Variants in COL7A1 observed in about 807,000 individuals in gnomAD.
COL7A1 encodes collagen type VII alpha 1 chain, also known as collagen alpha-1(VII) chain.
A neutral mutation model predicts 456.2 loss-of-function variants in COL7A1; 296 were observed. That is an observed-to-expected ratio of 0.65 (90% CI 0.59 to 0.71). The LOEUF is 0.71. Ranked by LOEUF, COL7A1 falls within the 30% of genes least tolerant of loss-of-function variation. The pLI, the probability that COL7A1 is intolerant of heterozygous loss-of-function variation, is 0.00. For synonymous variants in COL7A1, 1,464 were observed against 1,525.9 expected (o/e 0.96, Z 0.95); for missense variants, 3,441 against 4,017.2 (o/e 0.86, Z 3.88).
In COL7A1 at chr3:48,592,889, G is replaced by T. The variant is rs374009584; in HGVS notation, c.732C>A (p.Ser244Arg). The T allele has an allele frequency of 3.1e-6, 5 of 1,613,906 alleles. No homozygotes were observed. The highest frequency in any genetic ancestry group is 4.2e-6 in the Non-Finnish European group (5 of 1,180,032). ...TCCACTGTACTCTCAAGGATTGGCT[G>T]CTTGGCTCAGACAGCACCAGGTCTC... ...APRDLVLSEP[S>R]SQSLRVQWTA... The change falls in exon 7 of 119, where the codon AGC (serine) becomes AGA (arginine). Residue 244 changes from serine (S) to arginine (R), a missense_variant. Coordinates refer to ENST00000681320, the MANE Select transcript of COL7A1 (RefSeq NM_000094.4). This position sits in a 1 kb window ranked among gnomAD's most constrained non-coding sequence, Gnocchi z 7.6.
Position 48,581,286 on chromosome 3 carries a change from C to A in COL7A1, c.4873G>T (p.Gly1625Ter). 6.2e-7 allele frequency: 1 copy of A among 1,613,558 alleles called. No homozygotes were observed. The highest frequency in any genetic ancestry group is 1.3e-5 in the African/African-American group (1 of 75,038). Residue 1625 changes from glycine to a stop codon, truncating the protein, a stop_gained, in exon 52 of 119, where the codon GGA becomes TGA. Coordinates refer to ENST00000681320, the MANE Select transcript of COL7A1 (RefSeq NM_000094.4). LOFTEE classifies it high-confidence loss of function. This position sits in a 1 kb window ranked among gnomAD's most constrained non-coding sequence, Gnocchi z 5.8. ...KGDPGRPGPPGPVGPRGRDGE... is the reference protein window; with the variant it reads ...KGDPGRPGPP ...TCTCGTCCTCGGGGGCCAACAGGTCCTGGGGGGCCAGGCCGCCCAGGGTCT... is the reference window on the plus strand; with the variant it reads ...TCTCGTCCTCGGGGGCCAACAGGTCATGGGGGGCCAGGCCGCCCAGGGTCT...
rs1162646315 is a variant in COL7A1, at chr3:48,582,376, G to A, written c.4600-18C>T. On this transcript the variant is annotated intron_variant, in intron 46 of 118. Transcript: ENST00000681320. ...GGCTCCCCCTGTGGAGAGAGGATAG[G>A]AGCAGGGACAGGTCAGGGAGTCACC... 6.2e-7 allele frequency: 1 copy of A among 1,613,934 alleles called. No individual in the cohort carries two copies. Among genetic ancestry groups the A allele is most frequent in the Non-Finnish European group, 8.5e-7 (1 of 1,180,018 alleles).
Position 48,578,419 on chromosome 3 carries a change from G to A in COL7A1, c.5487+34C>T. On this transcript the variant is annotated intron_variant, in intron 64 of 118. Coordinates refer to ENST00000681320, the MANE Select transcript of COL7A1 (RefSeq NM_000094.4). The surrounding 1 kb of genome is among the most constrained non-coding windows in gnomAD (Gnocchi z 4.7). ...CGGGGATCGGGTGAGGGTAGTAAGG[G>A]GGAAAAGGGGGTAACATGAAAGTCT... 2 of 1,613,528 alleles carry A rather than the reference G, an allele frequency of 1.2e-6. No homozygotes were observed. Among genetic ancestry groups the A allele is most frequent in the Middle Eastern group, 3.6e-4 (2 of 5,610 alleles).
intron 45 of COL7A1, 47 bp downstream of exon 45, chr3:48,582,562 G>A (rs1313908392): frequency 1.2e-6 from 2 of 1,613,664 alleles, no homozygotes; most frequent in Non-Finnish European, 1.7e-6. Context: ...AAAGGGGAGG[G>A]ACACACAAAA....
In COL7A1 at chr3:48,585,989, G is replaced by A. The variant is rs1333529439; in HGVS notation, c.3724-14C>T. The A allele has an allele frequency of 3.7e-6, 6 of 1,613,860 alleles. No homozygotes were observed. Among genetic ancestry groups the A allele is most frequent in the Non-Finnish European group, 1.7e-6 (2 of 1,180,030 alleles). On this transcript the variant is annotated splice_polypyrimidine_tract_variant and intron_variant, in intron 28 of 118. Coordinates refer to ENST00000681320, the MANE Select transcript of COL7A1 (RefSeq NM_000094.4). This position sits in a 1 kb window ranked among gnomAD's most constrained non-coding sequence, Gnocchi z 4.5. ...CTCTGGCCGGGGCTGCGGACATAGG[G>A]TCTCTTTGAGGTTGAACATTTCTAC...
rs1469611751 is a variant in COL7A1, at chr3:48,571,440, T to C, written c.7069-162A>G. 1 of 843,810 alleles carries C rather than the reference T, an allele frequency of 1.2e-6. No individual in the cohort carries two copies. The highest frequency in any genetic ancestry group is 2.0e-6 in the Non-Finnish European group (1 of 501,452). 52.3% of individuals were successfully genotyped at this position (843,810 alleles called of 1,614,324 possible). On this transcript the variant is annotated intron_variant, in intron 92 of 118. Coordinates refer to ENST00000681320, the MANE Select transcript of COL7A1 (RefSeq NM_000094.4). This position sits in a 1 kb window ranked among gnomAD's most constrained non-coding sequence, Gnocchi z 4.6. ...GCTCACAGGAGCTCAGACATGACCATGGCCTATCTCAGGACAGCACAGACA... is the reference window on the plus strand; with the variant it reads ...GCTCACAGGAGCTCAGACATGACCACGGCCTATCTCAGGACAGCACAGACA...
rs1348424664 is a variant in COL7A1 at position 48,591,970 on chromosome 3, T to C, written c.1285A>G (p.Thr429Ala). The change falls in exon 11 of 119, where the codon ACA becomes GCA. Residue 429 changes from threonine (T) to alanine (A), a missense_variant. By Grantham distance (58) the Thr-to-Ala change is moderately conservative. Coordinates refer to ENST00000681320, the MANE Select transcript of COL7A1 (RefSeq NM_000094.4). The surrounding 1 kb of genome is among the most constrained non-coding windows in gnomAD (Gnocchi z 7.0). ...QTLRPVILGP[T>A]SILLSWNLVP... ...AAGTTCCAGGAAAGGAGGATGGATG[T>C]GGGGCCCAGGATGACCGGGCGCAGG... is the stretch of plus-strand genomic sequence containing the variant. 6.2e-7 allele frequency: 1 copy of C among 1,614,170 alleles called. No homozygotes were observed. The highest frequency in any genetic ancestry group is 8.5e-7 in the Non-Finnish European group (1 of 1,180,022).
chr3:48,584,902 C>T lies in COL7A1; in HGVS notation c.4011+8G>A, dbSNP rs1377285295. ...CACTTAGAGAGCAAAGAAGGGAAGG[C>T]ACCTTACCGGGTCCCCACGAGGGCC... On this transcript the variant is annotated splice_region_variant and intron_variant, in intron 34 of 118. Coordinates refer to ENST00000681320, the MANE Select transcript of COL7A1 (RefSeq NM_000094.4). 1 of 1,614,030 alleles carries T rather than the reference C, an allele frequency of 6.2e-7. No homozygotes were observed. The highest frequency in any genetic ancestry group is 1.1e-5 in the South Asian group (1 of 91,086).
chr3:48,595,150 G>A lies in COL7A1; in HGVS notation c.10C>T (p.Arg4Trp), dbSNP rs938425936. Residue 4 changes from arginine to tryptophan, a missense_variant, in exon 2 of 119, where the codon CGG (arginine) becomes TGG (tryptophan). This residue lies in a region of COL7A1 where 913 missense variants were observed against 1,088.2 expected (regional missense o/e 0.84). Coordinates refer to ENST00000681320, the MANE Select transcript of COL7A1 (RefSeq NM_000094.4). MTL[R>W]LLVAALCAGI... The stretch of plus-strand genomic sequence containing the variant: ...GCGCAGAGCGCGGCCACCAGAAGCC[G>A]CAGCGTCATCCTAGGCAGTAAAAGC... 3.9e-6 allele frequency: 6 copies of A among 1,552,290 alleles called. No individual in the cohort carries two copies. The highest frequency in any genetic ancestry group is 2.4e-5 in the East Asian group (1 of 41,112).
rs2043754944 is a variant in COL7A1, at chr3:48,569,022, A to G, written c.7687-167T>C. ...CGGGTGGAACTGGGGGCTGTAGTCC[A>G]CAGACTGGCTCATTTCTCACCCCAA... is the stretch of plus-strand genomic sequence containing the variant. On this transcript the variant is annotated intron_variant, in intron 103 of 118. Coordinates refer to ENST00000681320, the MANE Select transcript of COL7A1 (RefSeq NM_000094.4). The surrounding 1 kb of genome is among the most constrained non-coding windows in gnomAD (Gnocchi z 4.9). Among the ~76,000 whole-genome samples, 1 of 152,050 alleles carries G rather than the reference A, an allele frequency of 6.6e-6. No individual in the cohort carries two copies. Among genetic ancestry groups the G allele is most frequent in the African/African-American group, 2.4e-5 (1 of 41,382 alleles).
At position 48,585,252 on chromosome 3, in the gene COL7A1, G is replaced by T; in HGVS notation, c.3895-136C>A. The stretch of plus-strand genomic sequence containing the variant: ...GTGTTATTGGGGGTGGAACAGTGAG[G>T]CAGAGAAATGGCCCCTCAGAGCTTC... On this transcript the variant is annotated intron_variant, in intron 32 of 118. Transcript: ENST00000681320. This position sits in a 1 kb window ranked among gnomAD's most constrained non-coding sequence, Gnocchi z 4.5. 1 of 882,526 alleles carries T rather than the reference G, an allele frequency of 1.1e-6. No individual in the cohort carries two copies. Among genetic ancestry groups the T allele is most frequent in the Non-Finnish European group, 1.8e-6 (1 of 566,868 alleles). The allele number at this position is 882,526 out of a possible 1,614,324, so 54.7% of individuals were successfully genotyped here. A position where few individuals can be genotyped will look rare whatever the true frequency, so the allele number is the denominator to read the frequency against.
Position 48,573,975 on chromosome 3 carries a change from C to G in COL7A1, c.6502-85G>C. On this transcript the variant is annotated intron_variant, in intron 80 of 118. Coordinates refer to ENST00000681320, the MANE Select transcript of COL7A1 (RefSeq NM_000094.4). This position sits in a 1 kb window ranked among gnomAD's most constrained non-coding sequence, Gnocchi z 5.5. Reference sequence around the variant, plus strand: ...CTCTGGGGGCTTTTTCCTTGGGGGTCAATTTCCATACCTCACCCTTTCCAG... The same window carrying G: ...CTCTGGGGGCTTTTTCCTTGGGGGTGAATTTCCATACCTCACCCTTTCCAG... The G allele has an allele frequency of 7.2e-6, 11 of 1,528,022 alleles. No individual in the cohort carries two copies. Among genetic ancestry groups the G allele is most frequent in the Middle Eastern group, 2.3e-4 (1 of 4,282 alleles). 94.7% of individuals were successfully genotyped at this position (1,528,022 alleles called of 1,614,324 possible).
In COL7A1 at chr3:48,575,588, C is replaced by T. The variant is rs765082791; in HGVS notation, c.5979+38G>A. On this transcript the variant is annotated intron_variant, in intron 73 of 118. Coordinates refer to ENST00000681320, the MANE Select transcript of COL7A1 (RefSeq NM_000094.4). This position sits in a 1 kb window ranked among gnomAD's most constrained non-coding sequence, Gnocchi z 6.3. The stretch of plus-strand genomic sequence containing the variant: ...CTGGTGGCTGTACAGCTACACCCCA[C>T]TCCACGGGGCACAACCCACTGAGCC... 2 of 1,612,682 alleles carry T rather than the reference C, an allele frequency of 1.2e-6. No homozygotes were observed. The highest frequency in any genetic ancestry group is 2.7e-5 in the African/African-American group (2 of 75,076).
Position 48,568,696 on chromosome 3 carries a change from C to T in COL7A1, c.7758+88G>A. ...GCCGGCAGCAAGGGAGCCAGAACCC[C>T]CAGCACTTAAGAGGACCCCCAGGAT... is the stretch of plus-strand genomic sequence containing the variant. On this transcript the variant is annotated intron_variant, in intron 104 of 118. Coordinates refer to ENST00000681320, the MANE Select transcript of COL7A1 (RefSeq NM_000094.4). The surrounding 1 kb of genome is among the most constrained non-coding windows in gnomAD (Gnocchi z 5.2). The T allele has an allele frequency of 4.7e-6, 7 of 1,499,526 alleles. No homozygotes were observed. In the South Asian group the frequency reaches 7.2e-5, roughly 15 times the overall value. 92.9% of individuals were successfully genotyped at this position (1,499,526 alleles called of 1,614,324 possible). A position where few individuals can be genotyped will look rare whatever the true frequency, so the allele number is the denominator to read the frequency against.
In COL7A1 at chr3:48,565,042, G is replaced by C. The variant is rs886734235; in HGVS notation, c.8621-62C>G. 15 of 1,612,418 alleles carry C rather than the reference G, an allele frequency of 9.3e-6. No homozygotes were observed. The highest frequency in any genetic ancestry group is 1.3e-5 in the Non-Finnish European group (15 of 1,178,876). ...AATCAGAGAGGGTTGAAAGGTCAGG[G>C]GGAGGTCAGCAGGGCTCAGCCCTGC... On this transcript the variant is annotated intron_variant, in intron 117 of 118. Coordinates refer to ENST00000681320, the MANE Select transcript of COL7A1 (RefSeq NM_000094.4). The surrounding 1 kb of genome is among the most constrained non-coding windows in gnomAD (Gnocchi z 4.5).
In COL7A1 at chr3:48,564,849, G is replaced by T. The variant is rs572217586; in HGVS notation, c.8752C>A (p.Arg2918Ser). ...VYGGCGGNAN[R>S]FGTREACERR... ...TCGCAGGCCTCACGGGTCCCAAAAC[G>T]GTTGGCATTCCCTCCACAGCCACCA... The change falls in exon 118 of 119, where the codon CGT becomes AGT. Residue 2918 changes from arginine (R) to serine (S), a missense_variant. Transcript: ENST00000681320. The surrounding 1 kb of genome is among the most constrained non-coding windows in gnomAD (Gnocchi z 6.0). 6.2e-7 allele frequency: 1 copy of T among 1,614,104 alleles called. No individual in the cohort carries two copies. Among genetic ancestry groups the T allele is most frequent in the African/African-American group, 1.3e-5 (1 of 75,020 alleles).
Position 48,579,044 on chromosome 3 carries a change from C to T in COL7A1, c.5389-90G>A. ...CTAAGGCCTGCATGGCAAGAACATG[C>T]CCCACCCAGGCAGGGCTCTGGGAGA... is the stretch of plus-strand genomic sequence containing the variant. On this transcript the variant is annotated intron_variant, in intron 62 of 118. Coordinates refer to ENST00000681320, the MANE Select transcript of COL7A1 (RefSeq NM_000094.4). The surrounding 1 kb of genome is among the most constrained non-coding windows in gnomAD (Gnocchi z 4.4). 6.3e-7 allele frequency: 1 copy of T among 1,579,496 alleles called. No individual in the cohort carries two copies. The highest frequency in any genetic ancestry group is 8.7e-7 in the Non-Finnish European group (1 of 1,149,840).
At position 48,573,791 on chromosome 3, in the gene COL7A1, G is replaced by A. The variant is rs1246668510; in HGVS notation, c.6537+64C>T. On this transcript the variant is annotated intron_variant, in intron 81 of 118. Coordinates refer to ENST00000681320, the MANE Select transcript of COL7A1 (RefSeq NM_000094.4). The surrounding 1 kb of genome is among the most constrained non-coding windows in gnomAD (Gnocchi z 5.5). ...GCACCCCACCAAGGAAACTGAGGCAGTACTGGTCACTGGGGCAGGGCACAG... is the reference window on the plus strand; with the variant it reads ...GCACCCCACCAAGGAAACTGAGGCAATACTGGTCACTGGGGCAGGGCACAG... The A allele has an allele frequency of 4.3e-6, 7 of 1,613,870 alleles. No homozygotes were observed. The highest frequency in any genetic ancestry group is 5.9e-6 in the Non-Finnish European group (7 of 1,179,938).
chr3:48,580,509 T>G lies in COL7A1; in HGVS notation c.5052+72A>C. ...GGTTTAGCATTACAGGGTTGGGGGG[T>G]AGGATCAGGTATTGGGAATTGGCTG... is the stretch of plus-strand genomic sequence containing the variant. On this transcript the variant is annotated intron_variant, in intron 55 of 118. Transcript: ENST00000681320. The surrounding 1 kb of genome is among the most constrained non-coding windows in gnomAD (Gnocchi z 4.5). The G allele has an allele frequency of 3.9e-6, 6 of 1,540,872 alleles. No individual in the cohort carries two copies. Among genetic ancestry groups the G allele is most frequent in the Non-Finnish European group, 5.4e-6 (6 of 1,120,700 alleles).
Sources: gnomAD v4.1 joint callset for allele counts (sites outside exome capture counted in the v4.1 genomes callset) on GRCh38, gnomAD v4.1.1 for gene constraint, gnomAD v4.1.1 regional missense constraint, Gnocchi (gnomAD v3.1) non-coding constraint, MANE v1.5 for transcripts, NCBI Gene and HGNC (gene_info 2026-07-23, HGNC 2026-07-21) for gene names.